The following FGF12 variants were observed in gnomAD, a reference collection of about 807,000 sequenced individuals.
The protein encoded by FGF12 is fibroblast growth factor 12B.
In FGF12, 14 loss-of-function variants were observed where a neutral mutation model predicts 23.6. The observed-to-expected ratio is 0.59, with a 90% confidence interval of 0.39 to 0.93. The LOEUF is 0.93. FGF12 is among the 40% of genes least tolerant of loss of function. FGF12 has a pLI of 0.00. For synonymous variants in FGF12, 62 were observed against 77.3 expected (o/e 0.80, Z 1.04); for missense variants, 175 against 217.8 (o/e 0.80, Z 1.24).
At chr3:192,437,129 G>T (rs1406325156) in intron 2 of FGF12, among the ~76,000 whole-genome samples, 1 of 152,120 alleles carries the variant, frequency 6.6e-6, no homozygotes, top group Non-Finnish European at 1.5e-5. Flanking sequence ...AGTTAAGTAA[G>T]CACAGGGGAG....
intron 2 of FGF12, among the ~76,000 whole-genome samples, chr3:192,637,604 C>G (rs75429477): frequency 4.6e-5 from 7 of 152,050 alleles, no homozygotes; most frequent in Non-Finnish European, 8.8e-5. Flanking sequence ...GAAGTCTTGT[C>G]AAAGTTTGTG....
At chr3:192,299,853 A>G (rs1173384147) in intron 4 of FGF12, among the ~76,000 whole-genome samples, 3 of 152,172 alleles carry the variant, frequency 2.0e-5, no homozygotes, top group African/African-American at 7.2e-5. Context: ...ATTGAACTCA[A>G]GTCTTCCCGA....
At position 192,251,773 on chromosome 3, in the gene FGF12, A is replaced by G. The variant is rs77487388; in HGVS notation, c.229-81117T>C. ...CCATATAGTATGATCCTATTTATAT[A>G]AAGTTCAAAAACAGAAAAAAAAATA... On this transcript the variant is annotated intron_variant, in intron 4 of 5. Transcript: ENST00000445105. Among the ~76,000 whole-genome samples, 940 of 152,310 alleles carry G rather than the reference A, an allele frequency of 6.2e-3. 8 individuals are homozygous for G. The highest frequency in any genetic ancestry group is 0.011 in the Non-Finnish European group (727 of 68,012).
intron 2 of FGF12, among the ~76,000 whole-genome samples, chr3:192,537,239 T>C (rs77551046): frequency 0.02 from 3,107 of 152,310 alleles, 113 homozygotes; most frequent in African/African-American, 0.071. Context: ...ATCTTGGCTA[T>C]TGGGAATAGT....
chr3:192,609,328 G>A (rs190505861), intron 2 of FGF12, among the ~76,000 whole-genome samples: 6 of 152,184 alleles, frequency 3.9e-5, no homozygotes, highest in Admixed American at 3.9e-4. Flanking sequence ...TGAAAAGGCT[G>A]CATTTGCAGG....
At chr3:192,519,601 C>G (rs1051764865) in intron 2 of FGF12, among the ~76,000 whole-genome samples, 2 of 152,050 alleles carry the variant, frequency 1.3e-5, no homozygotes, top group Admixed American at 1.3e-4. Flanking sequence ...GTGCTAATGT[C>G]CTATTTTTCC....
rs80125160 is a variant in FGF12 at position 192,508,193 on chromosome 3, G to A, written c.14-147655C>T. 3.0e-3 allele frequency among the ~76,000 whole-genome samples: 462 copies of A among 152,190 alleles called. 3 individuals are homozygous for A. Among genetic ancestry groups the A allele is most frequent in the African/African-American group, 0.011 (455 of 41,532 alleles). On this transcript the variant is annotated intron_variant, in intron 2 of 5. Coordinates refer to ENST00000445105, the MANE Select transcript of FGF12 (RefSeq NM_004113.6). ...CAGTAATGAGTGGAGGGGGTAGGTC[G>A]GTACTAGAAGCTTATGTATAAACAA...
At chr3:192,167,753 A>T (rs1303894911) in intron 5 of FGF12, among the ~76,000 whole-genome samples, 38 of 27,568 alleles carry the variant, frequency 1.4e-3, no homozygotes, top group Admixed American at 5.4e-3. Flanking sequence ...ATATATATAT[A>T]TATATATATA....
At chr3:192,558,723 G>A (rs1711892685) in intron 2 of FGF12, among the ~76,000 whole-genome samples, 2 of 151,856 alleles carry the variant, frequency 1.3e-5, no homozygotes, top group Non-Finnish European at 2.9e-5. Context: ...CATAATCAAT[G>A]CAATCTGGTA....
intron 4 of FGF12, among the ~76,000 whole-genome samples, chr3:192,237,079 C>T (rs1560204005): frequency 1.3e-5 from 2 of 152,168 alleles, no homozygotes; most frequent in East Asian, 3.9e-4. Flanking sequence ...TTTTATTTCT[C>T]CTCCATTTAA....
intron 4 of FGF12, among the ~76,000 whole-genome samples, chr3:192,309,162 G>A (rs1192244142): frequency 6.6e-6 from 1 of 152,142 alleles, no homozygotes; most frequent in Non-Finnish European, 1.5e-5. Flanking sequence ...CATGCAGAGT[G>A]CAAAGGAAGA....
At chr3:192,587,508 G>A (rs755679872) in intron 2 of FGF12, among the ~76,000 whole-genome samples, 2 of 151,826 alleles carry the variant, frequency 1.3e-5, no homozygotes, top group African/African-American at 2.4e-5. Flanking sequence ...AATTCATGCC[G>A]AAAATCAACT....
chr3:192,206,062 T>C (rs1717634791), intron 4 of FGF12, among the ~76,000 whole-genome samples: 1 of 152,164 alleles, frequency 6.6e-6, no homozygotes, highest in South Asian at 2.1e-4. Flanking sequence ...ATATTGCTAA[T>C]ATGGAGACAA....
intron 4 of FGF12, among the ~76,000 whole-genome samples, chr3:192,274,225 T>C (rs1329578374): frequency 6.6e-6 from 1 of 152,168 alleles, no homozygotes; most frequent in Non-Finnish European, 1.5e-5. Flanking sequence ...CCTATCAAGG[T>C]AGAGCAGAGT....
chr3:192,271,066 G>A (rs2108628249), intron 4 of FGF12, among the ~76,000 whole-genome samples: 1 of 152,254 alleles, frequency 6.6e-6, no homozygotes, highest in African/African-American at 2.4e-5. Flanking sequence ...ATTAGACATT[G>A]CCAAAGATTT....
chr3:192,280,034 A>G lies in FGF12; in HGVS notation c.228+55327T>C, dbSNP rs533449903. Among the ~76,000 whole-genome samples the G allele has an allele frequency of 3.4e-4, 52 of 152,380 alleles. 2 individuals carry two copies. In the South Asian group the frequency reaches 0.011, roughly 31 times the overall value. On this transcript the variant is annotated intron_variant, in intron 4 of 5. Coordinates refer to ENST00000445105, the MANE Select transcript of FGF12 (RefSeq NM_004113.6). Reference sequence around the variant, plus strand: ...AAATGCTATCTGAACATAACATGCAATCAAAAATATGTTTTATAACATGTC... The same window carrying G: ...AAATGCTATCTGAACATAACATGCAGTCAAAAATATGTTTTATAACATGTC...
Position 192,505,063 on chromosome 3 carries a change from T to C in FGF12, c.14-144525A>G, listed in dbSNP as rs79119451. Among the ~76,000 whole-genome samples, 1,307 of 152,298 alleles carry C rather than the reference T, an allele frequency of 8.6e-3. 8 individuals carry two copies. The highest frequency in any genetic ancestry group is 0.017 in the African/African-American group (699 of 41,542). The stretch of plus-strand genomic sequence containing the variant: ...TATCAAATGGCATTGAGTAGACTGG[T>C]ACGTATGGTACAGACCTGTAATGTC... On this transcript the variant is annotated intron_variant, in intron 2 of 5. Coordinates refer to ENST00000445105, the MANE Select transcript of FGF12 (RefSeq NM_004113.6).
chr3:192,385,071 T>C (rs1480560509), intron 2 of FGF12, among the ~76,000 whole-genome samples: 1 of 152,214 alleles, frequency 6.6e-6, no homozygotes, highest in Non-Finnish European at 1.5e-5. Flanking sequence ...AGCAGGTACA[T>C]AGACTCGGTT....
chr3:192,599,269 A>AATAATAATAATTATAATT (rs1553837299), intron 2 of FGF12, among the ~76,000 whole-genome samples: 2 of 148,078 alleles, frequency 1.4e-5, no homozygotes, highest in Non-Finnish European at 3.0e-5. Flanking sequence ...TAATAATAAT[A>AATAATAATAATTATAATT]ATAATAATAA....
Sources: gnomAD v4.1 joint callset for allele counts (sites outside exome capture counted in the v4.1 genomes callset) on GRCh38, gnomAD v4.1.1 for gene constraint, MANE v1.5 for transcripts, NCBI Gene and HGNC (gene_info 2026-07-23, HGNC 2026-07-21) for gene names.